Variants in AXDND1 observed in about 807,000 individuals in gnomAD.
AXDND1 encodes the protein axonemal dynein light chain domain-containing protein 1.
In AXDND1, 110 loss-of-function variants were observed where a neutral mutation model predicts 137.5. The ratio of observed to expected loss-of-function variants is 0.80; its 90% CI spans 0.69 to 0.94. The LOEUF (loss-of-function observed/expected upper bound fraction) is 0.94. Ranked by LOEUF, AXDND1 falls within the 40% of genes least tolerant of loss-of-function variation. AXDND1 has a pLI of 0.00. For missense variants in AXDND1, 1,191 were observed against 1,169.8 expected (o/e 1.02, Z -0.26); for synonymous variants, 414 against 399.7 (o/e 1.04, Z -0.43).
chr1:179,479,275 G>A (rs1356178172), intron 17 of AXDND1, among the ~76,000 whole-genome samples: 2 of 151,642 alleles, frequency 1.3e-5, no homozygotes, highest in African/African-American at 2.4e-5. Context: ...TCAGGAGTTC[G>A]AGGCCAGCCT....
At chr1:179,453,901 G>A (rs762264417) in intron 16 of AXDND1, 18 of 151,812 alleles carry the variant, frequency 1.2e-4, no homozygotes, top group Non-Finnish European at 2.4e-4. Flanking sequence ...CATTTAGAAT[G>A]CCTGTATTTA....
At chr1:179,424,743 T>G (rs558969088) in intron 12 of AXDND1, among the ~76,000 whole-genome samples, 1 of 152,276 alleles carries the variant, frequency 6.6e-6, no homozygotes, top group South Asian at 2.1e-4. Flanking sequence ...TCTTGTTTCT[T>G]TCTATCCTTT....
At position 179,470,281 on chromosome 1, in the gene AXDND1, T is replaced by A. The variant is rs563492912; in HGVS notation, c.1997+1640T>A. ...CTACTTGACTCTTCTTTTACAGGATTATTTTGGCTTTTCTGGGTACCTTGC... is the reference window on the plus strand; with the variant it reads ...CTACTTGACTCTTCTTTTACAGGATAATTTTGGCTTTTCTGGGTACCTTGC... On this transcript the variant is annotated intron_variant, in intron 17 of 25. Coordinates refer to ENST00000367618, the MANE Select transcript of AXDND1 (RefSeq NM_144696.6). Among the ~76,000 whole-genome samples the A allele has an allele frequency of 3.3e-5, 5 of 152,292 alleles. 1 individual carries two copies. In the South Asian group the frequency reaches 1.0e-3, roughly 32 times the overall value.
intron 12 of AXDND1, among the ~76,000 whole-genome samples, chr1:179,421,306 T>C (rs1281628569): frequency 6.6e-6 from 1 of 151,582 alleles, no homozygotes; most frequent in African/African-American, 2.4e-5. Context: ...TTGGGGTCTT[T>C]TGTGGTTCTC....
At chr1:179,514,130 T>C (rs1448659631) in intron 21 of AXDND1, among the ~76,000 whole-genome samples, 1 of 152,172 alleles carries the variant, frequency 6.6e-6, no homozygotes, top group East Asian at 1.9e-4. Flanking sequence ...TGGTTTGTTC[T>C]TGTTTCTCTA....
chr1:179,531,789 G>A (rs187655818), intron 23 of AXDND1, among the ~76,000 whole-genome samples: 6 of 152,190 alleles, frequency 3.9e-5, no homozygotes, highest in African/African-American at 1.4e-4. Context: ...AACCCCAGGA[G>A]GACCAAGCTA....
In AXDND1 at chr1:179,383,456, G is replaced by A. The variant is rs754879166; in HGVS notation, c.653G>A (p.Arg218Lys). 3.7e-6 allele frequency: 6 copies of A among 1,613,680 alleles called. No homozygotes were observed. Among genetic ancestry groups the A allele is most frequent in the South Asian group, 2.2e-5 (2 of 91,060 alleles). ...LLFPSMKPNK[R>K]VEVAQLNDVM... is the part of the protein sequence containing the mutation. Reference sequence around the variant, plus strand: ...TAATTTTTTAGGAAACCTAATAAAAGAGTAGAAGTGGCCCAGCTGAATGAT... The same window carrying A: ...TAATTTTTTAGGAAACCTAATAAAAAAGTAGAAGTGGCCCAGCTGAATGAT... The change falls in exon 8 of 26, where the codon AGA (arginine) becomes AAA (lysine). Residue 218 changes from arginine (R) to lysine (K), a missense_variant. Arg to Lys is a conservative substitution (Grantham distance 26). Coordinates refer to ENST00000367618, the MANE Select transcript of AXDND1 (RefSeq NM_144696.6).
Position 179,429,624 on chromosome 1 carries a change from A to AG in AXDND1, c.1332+7dup. On this transcript the variant is annotated splice_donor_region_variant and intron_variant, in intron 13 of 25. Transcript: ENST00000367618. ...ATCATACTGCTATCAAACAAGGTAAAGGTCAATTATCTTCAGTTATGGGAA... is the reference window on the plus strand; with the variant it reads ...ATCATACTGCTATCAAACAAGGTAAAGGGTCAATTATCTTCAGTTATGGGAA... The AG allele has an allele frequency of 6.6e-7, 1 of 1,523,272 alleles. No individual in the cohort carries two copies. The highest frequency in any genetic ancestry group is 8.8e-7 in the Non-Finnish European group (1 of 1,132,110). 94.4% of individuals were successfully genotyped at this position (1,523,272 alleles called of 1,614,324 possible). A position where few individuals can be genotyped will look rare whatever the true frequency, so the allele number is the denominator to read the frequency against.
chr1:179,424,446 G>C lies in AXDND1; in HGVS notation c.1231-5072G>C, dbSNP rs1326215255. Among the ~76,000 whole-genome samples, 111 of 55,312 alleles carry C rather than the reference G, an allele frequency of 2.0e-3. 1 individual carries two copies. Among genetic ancestry groups the C allele is most frequent in the African/African-American group, 7.6e-3 (108 of 14,144 alleles). The allele number at this position is 55,312 out of a possible 152,430, so 36.3% of individuals were successfully genotyped here. ...ATTATCTTTTTTTTTTTTTTTTTTT[G>C]AGACAGAGTCTGGCTCTGTCACCCA... On this transcript the variant is annotated intron_variant, in intron 12 of 25. Transcript: ENST00000367618.
intron 16 of AXDND1, among the ~76,000 whole-genome samples, chr1:179,465,617 T>C (rs559545518): frequency 6.6e-6 from 1 of 152,164 alleles, no homozygotes; most frequent in Admixed American, 6.5e-5. Flanking sequence ...TCTCAAACTC[T>C]GTGCTGGGAG....
chr1:179,548,255 A>G (rs1253546478), intron 25 of AXDND1, among the ~76,000 whole-genome samples: 2 of 152,200 alleles, frequency 1.3e-5, no homozygotes, highest in African/African-American at 2.4e-5. Flanking sequence ...AATAGTAATC[A>G]CCATTATTTA....
In AXDND1 at chr1:179,379,381, T is replaced by C; in HGVS notation, c.496-16T>C. 6.2e-7 allele frequency: 1 copy of C among 1,610,470 alleles called. No homozygotes were observed. The highest frequency in any genetic ancestry group is 8.5e-7 in the Non-Finnish European group (1 of 1,178,352). The stretch of plus-strand genomic sequence containing the variant: ...AATATATTCATTCTTTTATTTTGCT[T>C]TTCTTTTCTTTTAAGCCAAAGACAC... On this transcript the variant is annotated splice_polypyrimidine_tract_variant and intron_variant, in intron 5 of 25. Coordinates refer to ENST00000367618, the MANE Select transcript of AXDND1 (RefSeq NM_144696.6).
chr1:179,439,363 C>T (rs933026843), intron 15 of AXDND1, among the ~76,000 whole-genome samples: 8 of 152,072 alleles, frequency 5.3e-5, no homozygotes, highest in Non-Finnish European at 7.4e-5. Context: ...TATGGCTGAG[C>T]GATGTCTGTG....
rs930181955 is a variant in AXDND1 at position 179,430,498 on chromosome 1, G to A, written c.1379G>A (p.Arg460Lys). Reference sequence around the variant, plus strand: ...TTGCAGAAGTTGACACAAAAATGGAGAAACTTAGTGAATAAACTTAAACAA... The same window carrying A: ...TTGCAGAAGTTGACACAAAAATGGAAAAACTTAGTGAATAAACTTAAACAA... ...ALLQKLTQKW[R>K]NLVNKLKQEV... Residue 460 changes from arginine to lysine, a missense_variant, in exon 14 of 26, where the codon AGA becomes AAA. By Grantham distance (26) the Arg-to-Lys change is conservative. Coordinates refer to ENST00000367618, the MANE Select transcript of AXDND1 (RefSeq NM_144696.6). 3 of 1,613,846 alleles carry A rather than the reference G, an allele frequency of 1.9e-6. No homozygotes were observed. In the Middle Eastern group the frequency reaches 5.0e-4, roughly 266 times the overall value.
intron 25 of AXDND1, among the ~76,000 whole-genome samples, chr1:179,539,703 T>G (rs1248492918): frequency 3.9e-5 from 6 of 152,192 alleles, no homozygotes; most frequent in Non-Finnish European, 5.9e-5. Context: ...CTTTGTGGTG[T>G]TCTCTGTATT....
intron 9 of AXDND1, among the ~76,000 whole-genome samples, chr1:179,390,839 T>A (rs923530320): frequency 1.3e-5 from 2 of 152,062 alleles, no homozygotes; most frequent in African/African-American, 2.4e-5. Flanking sequence ...GGAGTTTCGA[T>A]CTTGTTGCCC....
intron 20 of AXDND1, among the ~76,000 whole-genome samples, chr1:179,498,084 CA>C (rs1667634282): frequency 6.6e-6 from 1 of 152,008 alleles, no homozygotes; most frequent in African/African-American, 2.4e-5. Context: ...CCATACTGCC[CA>C]AAGCAGTTTA....
intron 19 of AXDND1, 149 bp from the exon 20 acceptor site, chr1:179,492,706 G>A (rs1667053477): frequency 1.9e-6 from 1 of 532,594 alleles, no homozygotes; most frequent in Admixed American, 3.7e-5. Context: ...ATTCTCCTTG[G>A]TGAGTCAGTA....
intron 11 of AXDND1, among the ~76,000 whole-genome samples, chr1:179,410,734 T>A (rs1350730536): frequency 6.6e-6 from 1 of 152,214 alleles, no homozygotes; most frequent in Non-Finnish European, 1.5e-5. Context: ...GTACCTTTCA[T>A]AAAGAATCTT....
Sources: allele counts gnomAD v4.1 joint callset (sites outside exome capture counted in the v4.1 genomes callset), GRCh38; gene constraint gnomAD v4.1.1; transcripts MANE v1.5; gene names NCBI Gene and HGNC (gene_info 2026-07-23, HGNC 2026-07-21).